Variants in FAM83D observed in about 807,000 individuals in gnomAD.
FAM83D encodes the protein scaffolding CK1 anchoring protein D, also known as protein FAM83D.
FAM83D carries 26 observed loss-of-function variants against 25.4 expected under a neutral mutation model. The ratio of observed to expected loss-of-function variants is 1.02; its 90% CI spans 0.75 to 1.42. The LOEUF is 1.42. Ranked by LOEUF, FAM83D falls within the 40% of genes most tolerant of loss-of-function variation. The pLI is 0.00. For synonymous variants in FAM83D, 310 were observed against 318.5 expected (o/e 0.97, Z 0.28); for missense variants, 740 against 758.1 (o/e 0.98, Z 0.28).
intron 3 of FAM83D, among the ~76,000 whole-genome samples, chr20:38,950,383 G>A (rs911857676): frequency 6.6e-6 from 1 of 152,190 alleles, no homozygotes; most frequent in African/African-American, 2.4e-5. Context: ...AAAGCTTTCT[G>A]GGGTACAGGT....
At chr20:38,938,258 G>A (rs1463901597) in intron 1 of FAM83D, among the ~76,000 whole-genome samples, 2 of 152,226 alleles carry the variant, frequency 1.3e-5, no homozygotes, top group African/African-American at 4.8e-5. Flanking sequence ...TGGGCCCCCA[G>A]GCCCATGCCC....
chr20:38,928,931 C>T (rs915353946), intron 1 of FAM83D, among the ~76,000 whole-genome samples: 2 of 152,140 alleles, frequency 1.3e-5, no homozygotes, highest in Non-Finnish European at 1.5e-5. Context: ...GTAATCCCAG[C>T]ACTTTGGGAG....
rs1330766394 is a variant in FAM83D, at chr20:38,926,420, G to A, written c.-23G>A. 6.3e-7 allele frequency: 1 copy of A among 1,597,150 alleles called. No individual in the cohort carries two copies. Among genetic ancestry groups the A allele is most frequent in the Non-Finnish European group, 8.5e-7 (1 of 1,178,320 alleles). On this transcript the variant is annotated 5_prime_UTR_variant, in exon 1 of 4. Transcript: ENST00000619850. ...GACTGCACGCCGGTTTTTGTCCGAG[G>A]GCTGTCGAGTCCGAGCGCCGCCATG...
intron 1 of FAM83D, among the ~76,000 whole-genome samples, chr20:38,936,245 C>T (rs973246319): frequency 6.6e-6 from 1 of 152,228 alleles, no homozygotes; most frequent in Non-Finnish European, 1.5e-5. Context: ...ACTGGAATGA[C>T]TGGCCCTGAG....
chr20:38,936,118 A>C (rs1008652145), intron 1 of FAM83D, among the ~76,000 whole-genome samples: 1 of 152,142 alleles, frequency 6.6e-6, no homozygotes, highest in Admixed American at 6.5e-5. Context: ...AGCATGTTGC[A>C]CACCTGACCT....
chr20:38,930,161 G>A (rs1165552458), intron 1 of FAM83D, among the ~76,000 whole-genome samples: 1 of 152,206 alleles, frequency 6.6e-6, no homozygotes, highest in Non-Finnish European at 1.5e-5. Context: ...CTGTGACAGC[G>A]AGGACCATGA....
chr20:38,940,054 T>C (rs1448890052), intron 1 of FAM83D, among the ~76,000 whole-genome samples: 1 of 152,158 alleles, frequency 6.6e-6, no homozygotes, highest in Non-Finnish European at 1.5e-5. Flanking sequence ...ATGAGTGGGA[T>C]GAATAGAACT....
At chr20:38,934,436 T>C (rs1252764973) in intron 1 of FAM83D, among the ~76,000 whole-genome samples, 4 of 144,694 alleles carry the variant, frequency 2.8e-5, no homozygotes, top group African/African-American at 1.0e-4. Context: ...GAGGTTGTGA[T>C]GAGCCAAGAT....
At position 38,952,305 on chromosome 20, in the gene FAM83D, C is replaced by T. The variant is rs182339227; in HGVS notation, c.1543C>T (p.His515Tyr). The part of the protein sequence containing the change: ...PGYPKYLGTP[H>Y]LELYLSDSLR... The stretch of plus-strand genomic sequence containing the variant: ...CTATCCCAAGTACCTGGGCACCCCC[C>T]ACCTGGAACTGTACTTGAGTGACTC... The change falls in exon 4 of 4, where the codon CAC (histidine) becomes TAC (tyrosine). Residue 515 changes from histidine (H) to tyrosine (Y), a missense_variant. By Grantham distance (83) the His-to-Tyr change is moderately conservative. This residue lies in a region of FAM83D where 375 missense variants were observed against 403.2 expected (regional missense o/e 0.93). Transcript: ENST00000619850. The T allele has an allele frequency of 6.2e-4, 999 of 1,614,010 alleles. 1 individual carries two copies. Among genetic ancestry groups the T allele is most frequent in the Non-Finnish European group, 8.1e-4 (957 of 1,180,028 alleles).
chr20:38,945,698 C>T (rs7266556), intron 2 of FAM83D, among the ~76,000 whole-genome samples: 20,414 of 150,424 alleles, frequency 0.14, 1,505 homozygotes, highest in Middle Eastern at 0.19. Flanking sequence ...AACAGTTTCT[C>T]CATCTTTCTT....
intron 1 of FAM83D, among the ~76,000 whole-genome samples, chr20:38,933,883 T>C (rs1260337975): frequency 6.7e-6 from 1 of 149,860 alleles, no homozygotes; most frequent in Non-Finnish European, 1.5e-5. Flanking sequence ...TTTTTGAGAG[T>C]CTCGCTCTGT....
chr20:38,951,937 A>C lies in FAM83D; in HGVS notation c.1175A>C (p.Gln392Pro). ...QSRKAIDAAT[Q>P]TEPGEEMPGL... ...AGAAAGGCCATTGACGCTGCCACTC[A>C]AACAGAGCCAGGAGAGGAGATGCCA... The change falls in exon 4 of 4, where the codon CAA becomes CCA. Residue 392 changes from glutamine to proline, a missense_variant. Transcript: ENST00000619850. 1 of 1,614,150 alleles carries C rather than the reference A, an allele frequency of 6.2e-7. No homozygotes were observed. The highest frequency in any genetic ancestry group is 8.5e-7 in the Non-Finnish European group (1 of 1,180,024).
chr20:38,951,594 C>T lies in FAM83D; in HGVS notation c.832C>T (p.Gln278Ter), dbSNP rs1378553712. Residue 278 changes from glutamine to a stop codon, truncating the protein, a stop_gained, in exon 4 of 4, where the codon CAA (glutamine) becomes TAA (stop). Transcript: ENST00000619850. LOFTEE classifies it low-confidence loss of function (END_TRUNC). ...NSSNLVILSG[Q>*]VVEHFDLEFR... ...CAGTAACTTGGTAATTCTGTCTGGC[C>T]AAGTGGTTGAACACTTTGATCTGGA... 3 of 1,614,038 alleles carry T rather than the reference C, an allele frequency of 1.9e-6. No homozygotes were observed. The highest frequency in any genetic ancestry group is 4.5e-5 in the East Asian group (2 of 44,882).
At chr20:38,938,682 G>A (rs943913326) in intron 1 of FAM83D, among the ~76,000 whole-genome samples, 1 of 152,232 alleles carries the variant, frequency 6.6e-6, no homozygotes, top group East Asian at 1.9e-4. Context: ...CCTTGTATCT[G>A]AATATCCCTC....
In FAM83D at chr20:38,926,626, C is replaced by T; in HGVS notation, c.184C>T (p.Pro62Ser). 1 of 1,540,452 alleles carries T rather than the reference C, an allele frequency of 6.5e-7. No homozygotes were observed. The highest frequency in any genetic ancestry group is 8.7e-7 in the Non-Finnish European group (1 of 1,148,892). Residue 62 changes from proline (P) to serine (S), a missense_variant, in exon 1 of 4, where the codon CCC (proline) becomes TCC (serine). By Grantham distance (74) the Pro-to-Ser change is moderately conservative (BLOSUM62 -1). Around this residue, in one of 3 missense-constraint regions of FAM83D, gnomAD observed 333 missense variants for 298.6 expected, o/e 1.12. Transcript: ENST00000619850. ...CGAGCGCCTGGCTCGTTTCCTGAACCCCGATGAGGTGCACGCCATTCTGCG... is the reference window on the plus strand; with the variant it reads ...CGAGCGCCTGGCTCGTTTCCTGAACTCCGATGAGGTGCACGCCATTCTGCG... ...RRERLARFLN[P>S]DEVHAILRAA...
intron 2 of FAM83D, among the ~76,000 whole-genome samples, chr20:38,947,368 T>C (rs1176294232): frequency 6.6e-6 from 1 of 152,236 alleles, no homozygotes; most frequent in Non-Finnish European, 1.5e-5. Context: ...TGTGTTCCTA[T>C]TCTCCATACC....
At chr20:38,946,022 A>G (rs951373597) in intron 2 of FAM83D, among the ~76,000 whole-genome samples, 3 of 151,886 alleles carry the variant, frequency 2.0e-5, no homozygotes, top group African/African-American at 7.3e-5. Context: ...AGCTTGGCCA[A>G]TATGGCGAAA....
chr20:38,928,170 C>T (rs541013774), intron 1 of FAM83D, among the ~76,000 whole-genome samples: 31 of 152,366 alleles, frequency 2.0e-4, no homozygotes, highest in African/African-American at 6.3e-4. Flanking sequence ...TGGCTATCTG[C>T]CTGTGCCAGG....
chr20:38,930,160 C>T (rs537299284), intron 1 of FAM83D, among the ~76,000 whole-genome samples: 12 of 152,262 alleles, frequency 7.9e-5, no homozygotes, highest in African/African-American at 2.6e-4. Flanking sequence ...CCTGTGACAG[C>T]GAGGACCATG....
Sources: allele counts gnomAD v4.1 joint callset (sites outside exome capture counted in the v4.1 genomes callset), GRCh38; gene constraint gnomAD v4.1.1; regional missense constraint gnomAD v4.1.1; transcripts MANE v1.5; gene names NCBI Gene and HGNC (gene_info 2026-07-23, HGNC 2026-07-21).